The following ANKRD30B variants were observed in gnomAD, a reference collection of about 807,000 sequenced individuals.
ANKRD30B encodes ankyrin repeat domain-containing protein 30B.
In ANKRD30B, 144 loss-of-function variants were observed where a neutral mutation model predicts 202.2. The ratio of observed to expected loss-of-function variants is 0.71; its 90% confidence interval spans 0.62 to 0.82. The LOEUF (loss-of-function observed/expected upper bound fraction) is 0.82, where lower values mean the gene tolerates loss of function less well. Among genes scored for constraint, ANKRD30B ranks in the 40% least tolerant of loss-of-function variants. The pLI, the probability that ANKRD30B is intolerant of heterozygous loss-of-function variation, is 0.00. For synonymous variants in ANKRD30B, 508 were observed against 561.3 expected, an observed-to-expected ratio of 0.91 and a Z score of 1.34; for missense variants, 1,487 against 1,669.1, an observed-to-expected ratio of 0.89 and a Z score of 1.90.
intron 4 of ANKRD30B, among the ~76,000 whole-genome samples, chr18:14,755,945 T>C (rs1914283630): frequency 6.6e-6 from 1 of 152,152 alleles, no homozygotes; most frequent in African/African-American, 2.4e-5. Context: ...GGTCAAATGG[T>C]ATTTCTAGTT....
intron 36 of ANKRD30B, 55 bp downstream of exon 36, chr18:14,837,731 A>G: frequency 7.0e-7 from 1 of 1,423,658 alleles, no homozygotes; most frequent in Non-Finnish European, 9.4e-7. Flanking sequence ...AGTAATCTTA[A>G]AACATAAAAA....
At chr18:14,888,383 G>A in the ANKRD30B span, among the ~76,000 whole-genome samples, 1 of 151,830 alleles carries the variant, frequency 6.6e-6, no homozygotes, top group Non-Finnish European at 1.5e-5. Context: ...TCATTATCAG[G>A]TAATCAAATG....
the ANKRD30B span, among the ~76,000 whole-genome samples, chr18:14,863,916 A>G: frequency 1.3e-5 from 2 of 151,452 alleles, no homozygotes; most frequent in Non-Finnish European, 2.9e-5. Context: ...TCATGATTAC[A>G]TGGGTTTTAT....
the ANKRD30B span, among the ~76,000 whole-genome samples, chr18:14,888,025 A>C: frequency 6.6e-6 from 1 of 152,148 alleles, no homozygotes; most frequent in Non-Finnish European, 1.5e-5. Context: ...AGATTTTTGG[A>C]AACATCCTTT....
intron 24 of ANKRD30B, among the ~76,000 whole-genome samples, chr18:14,804,403 C>A (rs556520767): frequency 7.7e-6 from 1 of 129,882 alleles, no homozygotes; most frequent in African/African-American, 3.0e-5. Flanking sequence ...CACGGCCACA[C>A]ATGTATATAA....
intron 30 of ANKRD30B, among the ~76,000 whole-genome samples, chr18:14,815,565 G>A (rs540437165): frequency 6.6e-6 from 1 of 152,240 alleles, no homozygotes; most frequent in South Asian, 2.1e-4. Flanking sequence ...TGGAAGAAGA[G>A]TAATTGGATA....
chr18:14,874,242 C>T, the ANKRD30B span, among the ~76,000 whole-genome samples: 1 of 152,136 alleles, frequency 6.6e-6, no homozygotes, highest in Admixed American at 6.6e-5. Context: ...GAACGCTCTT[C>T]CTTTTGGAGA....
chr18:14,893,380 G>A, the ANKRD30B span, among the ~76,000 whole-genome samples: 235 of 152,276 alleles, frequency 1.5e-3, 2 homozygotes, highest in African/African-American at 5.4e-3. Flanking sequence ...GGAGGCCAAC[G>A]CAGGCGGATC....
intron 20 of ANKRD30B, among the ~76,000 whole-genome samples, chr18:14,798,661 A>G (rs985833790): frequency 6.6e-5 from 10 of 152,188 alleles, no homozygotes; most frequent in African/African-American, 2.4e-4. Context: ...CCGTGCGTCC[A>G]TTTATAGGCT....
chr18:14,798,752 C>A (rs907193295), intron 20 of ANKRD30B, among the ~76,000 whole-genome samples: 2 of 152,140 alleles, frequency 1.3e-5, no homozygotes. Context: ...GTGAAACCTC[C>A]CTGACGGCAC....
chr18:14,901,390 T>A, the ANKRD30B span, among the ~76,000 whole-genome samples: 1 of 152,162 alleles, frequency 6.6e-6, no homozygotes, highest in Non-Finnish European at 1.5e-5. Context: ...AAAACTCTAA[T>A]AAACAAATGA....
intron 36 of ANKRD30B, 40 bp from the exon 37 acceptor site, chr18:14,840,548 A>G (rs1971374586): frequency 9.2e-7 from 1 of 1,090,396 alleles, no homozygotes; most frequent in Non-Finnish European, 1.2e-6. Flanking sequence ...ATTAAAAAAT[A>G]GTAAAAAAAG....
the ANKRD30B span, among the ~76,000 whole-genome samples, chr18:14,905,032 T>C: frequency 6.6e-6 from 1 of 152,176 alleles, no homozygotes; most frequent in Non-Finnish European, 1.5e-5. Flanking sequence ...AAAACCAAGA[T>C]GGCAACGAGA....
At chr18:14,809,744 C>T (rs1246525511) in intron 26 of ANKRD30B, among the ~76,000 whole-genome samples, 2 of 151,088 alleles carry the variant, frequency 1.3e-5, no homozygotes, top group Non-Finnish European at 2.9e-5. Context: ...CACAATCCTG[C>T]ATGCAATTTT....
the ANKRD30B span, among the ~76,000 whole-genome samples, chr18:14,910,484 A>AT: frequency 5.4e-5 from 8 of 147,660 alleles, no homozygotes; most frequent in South Asian, 2.1e-4. Context: ...ACAATGTAAA[A>AT]ATATATATAT....
At chr18:14,830,911 G>A (rs1468107125) in intron 33 of ANKRD30B, among the ~76,000 whole-genome samples, 6 of 151,922 alleles carry the variant, frequency 3.9e-5, no homozygotes, top group Non-Finnish European at 7.4e-5. Context: ...GGCCGGGCGC[G>A]GTGGCTCACG....
At chr18:14,873,524 C>T in the ANKRD30B span, among the ~76,000 whole-genome samples, 16 of 90,604 alleles carry the variant, frequency 1.8e-4, no homozygotes, top group African/African-American at 3.0e-4. Context: ...GACTCCGTTT[C>T]AAAAAAAAAA....
chr18:14,777,511 T>C (rs922618273), intron 9 of ANKRD30B, among the ~76,000 whole-genome samples: 49 of 151,558 alleles, frequency 3.2e-4, no homozygotes, highest in African/African-American at 1.1e-3. Flanking sequence ...TTGGCCAGGG[T>C]AGTCTCGATC....
At position 14,838,263 on chromosome 18, in the gene ANKRD30B, T is replaced by G. The variant is rs1211255344; in HGVS notation, c.2988+587T>G. Among the ~76,000 whole-genome samples the G allele has an allele frequency of 3.3e-5, 5 of 150,784 alleles. No homozygotes were observed. The East Asian group carries it at 9.7e-4, about 29-fold the overall frequency. On this transcript the variant is annotated intron_variant, in intron 36 of 43. Coordinates refer to ENST00000690538, the MANE Select transcript of ANKRD30B (RefSeq NM_001367607.2). ...CCACATTCATTTATGAGCAACTGTA[T>G]GATTCTGTGTATATCTAGATGTACA...
Sources: allele counts gnomAD v4.1 joint callset (sites outside exome capture counted in the v4.1 genomes callset), GRCh38; gene constraint gnomAD v4.1.1; transcripts MANE v1.5; gene names NCBI Gene and HGNC (gene_info 2026-07-23, HGNC 2026-07-21).